Variants in AGBL4 observed in about 807,000 individuals in gnomAD.
The protein encoded by AGBL4 is AGBL carboxypeptidase 4.
Under a neutral mutation model 66.4 loss-of-function variants are expected in AGBL4, and 58 were observed. The ratio of observed to expected loss-of-function variants is 0.87; its 90% CI spans 0.71 to 1.09. The LOEUF (loss-of-function observed/expected upper bound fraction) is 1.09, where lower values mean the gene tolerates loss of function less well. AGBL4 is among the 50% of genes least tolerant of loss of function. AGBL4 has a pLI of 0.00. For synonymous variants in AGBL4, 234 were observed against 222.9 expected, an observed-to-expected ratio of 1.05 and a Z score of -0.44; for missense variants, 579 against 631.0, an observed-to-expected ratio of 0.92 and a Z score of 0.88.
intron 3 of AGBL4, among the ~76,000 whole-genome samples, chr1:49,474,167 T>C (rs1460914843): frequency 6.6e-6 from 1 of 152,126 alleles, no homozygotes; most frequent in Non-Finnish European, 1.5e-5. Flanking sequence ...TGTGAAAAAA[T>C]GACATTGGTA....
At chr1:48,558,449 C>G (rs143021220) in intron 11 of AGBL4, among the ~76,000 whole-genome samples, 8 of 152,354 alleles carry the variant, frequency 5.3e-5, no homozygotes, top group African/African-American at 1.4e-4. Flanking sequence ...GAGGAGCTGA[C>G]TCCACTCAGA....
chr1:48,637,340 T>G (rs1570090578), intron 8 of AGBL4, among the ~76,000 whole-genome samples: 1 of 152,202 alleles, frequency 6.6e-6, no homozygotes, highest in East Asian at 1.9e-4. Flanking sequence ...ATCCATGCTC[T>G]GTTCCCTCCC....
At chr1:49,025,736 T>A (rs528939954) in intron 5 of AGBL4, 10 of 152,096 alleles carry the variant, frequency 6.6e-5, no homozygotes, top group Non-Finnish European at 1.5e-4. Context: ...ATGCCCTAAA[T>A]ACAAAAATAT....
At chr1:48,798,151 A>G (rs1425471992) in intron 6 of AGBL4, among the ~76,000 whole-genome samples, 2 of 152,116 alleles carry the variant, frequency 1.3e-5, no homozygotes, top group East Asian at 1.9e-4. Context: ...TTATTTTTTA[A>G]TTTTTAAATT....
intron 3 of AGBL4, among the ~76,000 whole-genome samples, chr1:49,505,846 T>A (rs901039944): frequency 6.6e-6 from 1 of 152,044 alleles, no homozygotes; most frequent in East Asian, 1.9e-4. Context: ...TCTCTCTTCT[T>A]AATTCCTATA....
chr1:49,530,259 T>TAAAAA lies in AGBL4; in HGVS notation c.282+167049_282+167053dup, dbSNP rs543885264. On this transcript the variant is annotated intron_variant, in intron 3 of 13. Coordinates refer to ENST00000371839, the MANE Select transcript of AGBL4 (RefSeq NM_032785.4). ...CAGCTATGTTTTCAAGTAGAATTTG[T>TAAAAA]AAAAAAAAAAAAACAAAAAAAAACT... is the stretch of plus-strand genomic sequence containing the variant. Among the ~76,000 whole-genome samples, 41 of 75,922 alleles carry TAAAAA rather than the reference T, an allele frequency of 5.4e-4. 3 individuals carry two copies. Among genetic ancestry groups the TAAAAA allele is most frequent in the Middle Eastern group, 9.1e-3 (1 of 110 alleles). 49.8% of individuals were successfully genotyped at this position (75,922 alleles called of 152,430 possible).
At chr1:48,861,452 G>T in intron 6 of AGBL4, among the ~76,000 whole-genome samples, 1 of 152,012 alleles carries the variant, frequency 6.6e-6, no homozygotes, top group Admixed American at 6.6e-5. Context: ...TTCACATCTA[G>T]ACCCAACAAA....
intron 4 of AGBL4, among the ~76,000 whole-genome samples, chr1:49,211,802 T>G (rs555721300): frequency 5.3e-5 from 8 of 152,268 alleles, no homozygotes; most frequent in African/African-American, 1.4e-4. Context: ...AACATATTTA[T>G]TTAGCATTTT....
At chr1:48,711,560 C>T (rs956220970) in intron 6 of AGBL4, among the ~76,000 whole-genome samples, 4 of 152,280 alleles carry the variant, frequency 2.6e-5, no homozygotes, top group East Asian at 1.9e-4. Context: ...AAAGAGCACA[C>T]GGATGGGCTT....
At chr1:49,699,602 T>A (rs1647049193) in intron 2 of AGBL4, among the ~76,000 whole-genome samples, 2 of 151,994 alleles carry the variant, frequency 1.3e-5, no homozygotes, top group Non-Finnish European at 2.9e-5. Context: ...TGGATGAACC[T>A]GGAGTACATT....
chr1:49,911,735 A>T (rs978806234), intron 1 of AGBL4, among the ~76,000 whole-genome samples: 2 of 152,180 alleles, frequency 1.3e-5, no homozygotes, highest in Non-Finnish European at 2.9e-5. Flanking sequence ...GTCCCCTAAG[A>T]GGCTTGGCTA....
At chr1:49,855,737 TACGTGATAAAGCA>T (rs1358361626) in intron 1 of AGBL4, among the ~76,000 whole-genome samples, 10 of 152,098 alleles carry the variant, frequency 6.6e-5, no homozygotes, top group African/African-American at 2.4e-4. Context: ...TACAAAAACC[TACGTGATAAAGCA>T]AAAGCAGTGC....
At chr1:49,230,990 TA>T (rs911038469) in intron 4 of AGBL4, among the ~76,000 whole-genome samples, 4 of 152,026 alleles carry the variant, frequency 2.6e-5, no homozygotes, top group Middle Eastern at 3.4e-3. Flanking sequence ...CTAGAATGGG[TA>T]AAAAAAACAG....
intron 3 of AGBL4, among the ~76,000 whole-genome samples, chr1:49,322,626 T>C (rs1043540053): frequency 6.6e-6 from 1 of 152,044 alleles, no homozygotes; most frequent in African/African-American, 2.4e-5. Context: ...AAGGCAGAAA[T>C]TGGAGTGCTG....
intron 3 of AGBL4, among the ~76,000 whole-genome samples, chr1:49,293,220 T>C (rs1222866479): frequency 6.6e-6 from 1 of 152,236 alleles, no homozygotes; most frequent in South Asian, 2.1e-4. Context: ...GCAGCTGGCA[T>C]GTCTGAGTGT....
At chr1:49,169,107 A>G (rs1646685478) in intron 4 of AGBL4, among the ~76,000 whole-genome samples, 1 of 152,160 alleles carries the variant, frequency 6.6e-6, no homozygotes, top group South Asian at 2.1e-4. Flanking sequence ...CCCAAATTGA[A>G]AAGCCGTATT....
intron 3 of AGBL4, among the ~76,000 whole-genome samples, chr1:49,283,397 T>C (rs1644325622): frequency 6.6e-6 from 1 of 152,100 alleles, no homozygotes; most frequent in Non-Finnish European, 1.5e-5. Context: ...AGACCAAAAG[T>C]AGATAAAACT....
At chr1:48,646,196 G>C (rs1044945162) in intron 8 of AGBL4, among the ~76,000 whole-genome samples, 1 of 152,104 alleles carries the variant, frequency 6.6e-6, no homozygotes, top group Non-Finnish European at 1.5e-5. Flanking sequence ...GGCCTGGATC[G>C]GGCACTGGAT....
At chr1:48,844,709 G>T (rs776197584) in intron 6 of AGBL4, among the ~76,000 whole-genome samples, 1 of 152,204 alleles carries the variant, frequency 6.6e-6, no homozygotes, top group African/African-American at 2.4e-5. Context: ...ATGCTTTCAA[G>T]AAGAGTTGAT....
Sources: gnomAD v4.1 joint callset for allele counts (sites outside exome capture counted in the v4.1 genomes callset) on GRCh38, gnomAD v4.1.1 for gene constraint, MANE v1.5 for transcripts, NCBI Gene and HGNC (gene_info 2026-07-23, HGNC 2026-07-21) for gene names.